The following SEPTIN11 variants were observed in gnomAD, a reference collection of about 807,000 sequenced individuals.
The protein encoded by SEPTIN11 is septin-11.
A neutral mutation model predicts 51.4 loss-of-function variants in SEPTIN11; 25 were observed. The ratio of observed to expected loss-of-function variants is 0.49; its 90% CI spans 0.35 to 0.68. The LOEUF (loss-of-function observed/expected upper bound fraction) is 0.68, where lower values mean the gene tolerates loss of function less well. Ranked by LOEUF, SEPTIN11 falls within the 30% of genes least tolerant of loss-of-function variation. The probability of loss-of-function intolerance (pLI) is 0.00; values close to 1 mark genes in which losing one functional copy is unlikely to be tolerated. For missense variants in SEPTIN11, 381 were observed against 520.8 expected (o/e 0.73, Z 2.61); for synonymous variants, 174 against 184.1 (o/e 0.95, Z 0.44).
chr4:76,955,103 T>C (rs1008717994), intron 1 of SEPTIN11, among the ~76,000 whole-genome samples: 1 of 152,220 alleles, frequency 6.6e-6, no homozygotes, highest in Admixed American at 6.5e-5. Flanking sequence ...TTTTTTTCTC[T>C]TATAGAAGTT....
At chr4:76,990,153 C>T (rs375168639) in intron 1 of SEPTIN11, among the ~76,000 whole-genome samples, 1 of 151,950 alleles carries the variant, frequency 6.6e-6, no homozygotes, top group East Asian at 1.9e-4. Flanking sequence ...TTTTTTCAAT[C>T]CTCCCCGCGA....
At chr4:76,995,685 AT>A in intron 1 of SEPTIN11, 1 of 1,164,810 alleles carries the variant, frequency 8.6e-7, no homozygotes, top group Non-Finnish European at 1.1e-6. Flanking sequence ...AGCCAGTACC[AT>A]TTTATATAAC....
chr4:76,962,580 A>G (rs1238791851), intron 1 of SEPTIN11, among the ~76,000 whole-genome samples: 1 of 152,156 alleles, frequency 6.6e-6, no homozygotes, highest in Non-Finnish European at 1.5e-5. Context: ...ACTTGGCATT[A>G]CCTATATTTA....
chr4:77,039,892 CAGTT>C (rs1354536905), downstream of SEPTIN11: 23 of 249,130 alleles, frequency 9.2e-5, no homozygotes, highest in Admixed American at 4.6e-4. Flanking sequence ...AGAAAAACTC[CAGTT>C]AGTTCTGTTT....
rs536924140 is a variant in SEPTIN11 at position 76,990,805 on chromosome 4, A to C, written c.28-5620A>C. On this transcript the variant is annotated intron_variant, in intron 1 of 9. Transcript: ENST00000264893. ...GGCATGTTTCTCAGAATGTTTCCTC[A>C]TCACAAAGTGGTGCATGACTGCAGA... is the stretch of plus-strand genomic sequence containing the variant. Among the ~76,000 whole-genome samples, 60 of 152,324 alleles carry C rather than the reference A, an allele frequency of 3.9e-4. 1 individual carries two copies. The highest frequency in any genetic ancestry group is 2.7e-3 in the South Asian group (13 of 4,828).
intron 1 of SEPTIN11, among the ~76,000 whole-genome samples, chr4:76,968,608 CT>C (rs1334916833): frequency 6.6e-6 from 1 of 152,076 alleles, no homozygotes; most frequent in African/African-American, 2.4e-5. Flanking sequence ...GATAAAATTT[CT>C]GTTGTTTTTG....
chr4:77,035,426 T>C lies in SEPTIN11; in HGVS notation c.*914T>C. 1.0e-6 allele frequency: 1 copy of C among 985,334 alleles called. No homozygotes were observed. The highest frequency in any genetic ancestry group is 4.7e-5 in the South Asian group (1 of 21,290). 61.0% of individuals were successfully genotyped at this position (985,334 alleles called of 1,614,324 possible). ...ACTGATTCCAGGATACTTGTACTTC[T>C]AATAACATTTTTCATGAATCATGAG... On this transcript the variant is annotated 3_prime_UTR_variant, in exon 10 of 10. Transcript: ENST00000264893.
At chr4:76,980,825 T>G (rs1722733498) in intron 1 of SEPTIN11, among the ~76,000 whole-genome samples, 1 of 152,214 alleles carries the variant, frequency 6.6e-6, no homozygotes, top group South Asian at 2.1e-4. Context: ...TAATTCTGGT[T>G]TGTCTTTCAC....
At chr4:76,966,117 C>T (rs1405453841) in intron 1 of SEPTIN11, among the ~76,000 whole-genome samples, 2 of 152,178 alleles carry the variant, frequency 1.3e-5, no homozygotes, top group African/African-American at 4.8e-5. Context: ...TGTTTCATCT[C>T]ATCATCTGTG....
chr4:77,036,444 T>C lies in SEPTIN11; in HGVS notation c.*1932T>C. 1 of 1,189,458 alleles carries C rather than the reference T, an allele frequency of 8.4e-7. No individual in the cohort carries two copies. Among genetic ancestry groups the C allele is most frequent in the African/African-American group, 1.6e-5 (1 of 61,760 alleles). The allele number at this position is 1,189,458 out of a possible 1,614,324, so 73.7% of individuals were successfully genotyped here. A position where few individuals can be genotyped will look rare whatever the true frequency, so the allele number is the denominator to read the frequency against. On this transcript the variant is annotated 3_prime_UTR_variant, in exon 10 of 10. Coordinates refer to ENST00000264893, the MANE Select transcript of SEPTIN11 (RefSeq NM_018243.4). ...CCAACCACCGCTTGTGTGAGCATTTTTGTGGCTTGTACAGAAAGTACACTT... is the reference window on the plus strand; with the variant it reads ...CCAACCACCGCTTGTGTGAGCATTTCTGTGGCTTGTACAGAAAGTACACTT...
intron 1 of SEPTIN11, among the ~76,000 whole-genome samples, chr4:76,964,058 G>GT (rs541662891): frequency 0.011 from 1,600 of 152,072 alleles, 29 homozygotes; most frequent in African/African-American, 0.036. Context: ...GTGGTGTTTG[G>GT]TTTTTTGTCC....
chr4:77,001,699 G>A (rs978131327), intron 2 of SEPTIN11, among the ~76,000 whole-genome samples: 5 of 152,110 alleles, frequency 3.3e-5, no homozygotes, highest in African/African-American at 1.2e-4. Context: ...ATTCTGCTAG[G>A]GAGTTTTGAA....
At chr4:76,998,952 G>T (rs887482985) in intron 2 of SEPTIN11, among the ~76,000 whole-genome samples, 2 of 152,128 alleles carry the variant, frequency 1.3e-5, no homozygotes, top group East Asian at 3.9e-4. Context: ...AAGAAGACAG[G>T]ATCAGAAAGG....
At chr4:76,963,971 A>G (rs1465494227) in intron 1 of SEPTIN11, among the ~76,000 whole-genome samples, 1 of 151,708 alleles carries the variant, frequency 6.6e-6, no homozygotes, top group Non-Finnish European at 1.5e-5. Context: ...ACCCCACAAC[A>G]GGCCCCAGTG....
At chr4:76,974,681 C>T (rs892811636) in intron 1 of SEPTIN11, 31 of 443,244 alleles carry the variant, frequency 7.0e-5, no homozygotes, top group South Asian at 2.6e-4. Flanking sequence ...TTCTAGTCAC[C>T]GATCTTGTGT....
chr4:76,968,541 A>G (rs1481332935), intron 1 of SEPTIN11, among the ~76,000 whole-genome samples: 3 of 152,190 alleles, frequency 2.0e-5, no homozygotes, highest in Admixed American at 6.5e-5. Flanking sequence ...TATTTAGAAA[A>G]CATCTTTCTA....
At chr4:77,003,475 A>G (rs1320436754) in intron 2 of SEPTIN11, among the ~76,000 whole-genome samples, 1 of 152,248 alleles carries the variant, frequency 6.6e-6, no homozygotes, top group African/African-American at 2.4e-5. Context: ...TTGAATTCTC[A>G]GAACTTGGCA....
chr4:77,024,971 G>A lies in SEPTIN11; in HGVS notation c.954-3658G>A, dbSNP rs936602638. Among the ~76,000 whole-genome samples the A allele has an allele frequency of 1.3e-5, 2 of 152,184 alleles. No homozygotes were observed. Among genetic ancestry groups the A allele is most frequent in the Non-Finnish European group, 2.9e-5 (2 of 68,042 alleles). ...TCATACTCTGGCCTGCCCTCCACTAGATGCTTTTAGATAAGAACAGAGAGA... is the reference window on the plus strand; with the variant it reads ...TCATACTCTGGCCTGCCCTCCACTAAATGCTTTTAGATAAGAACAGAGAGA... On this transcript the variant is annotated intron_variant, in intron 7 of 9. Coordinates refer to ENST00000264893, the MANE Select transcript of SEPTIN11 (RefSeq NM_018243.4). This position sits in a 1 kb window ranked among gnomAD's most constrained non-coding sequence, Gnocchi z 4.2.
chr4:77,018,877 C>CA (rs1254482538), intron 5 of SEPTIN11, among the ~76,000 whole-genome samples: 2 of 152,178 alleles, frequency 1.3e-5, no homozygotes, highest in African/African-American at 4.8e-5. Context: ...TTCAGGTGCT[C>CA]AACAGTCACA....
Sources: gnomAD v4.1 joint callset for allele counts (sites outside exome capture counted in the v4.1 genomes callset) on GRCh38, gnomAD v4.1.1 for gene constraint, Gnocchi (gnomAD v3.1) non-coding constraint, MANE v1.5 for transcripts, NCBI Gene and HGNC (gene_info 2026-07-23, HGNC 2026-07-21) for gene names.